The following RHEX variants were observed in gnomAD, a reference collection of about 807,000 sequenced individuals.
RHEX encodes the protein regulator of hemoglobinization and erythroid cell expansion protein.
A neutral mutation model predicts 20.1 loss-of-function variants in RHEX; 18 were observed. The observed-to-expected ratio is 0.90, with a 90% CI of 0.62 to 1.33. RHEX has a LOEUF of 1.33. RHEX is among the 40% of genes most tolerant of loss of function. The pLI is 0.00. For missense variants in RHEX, 192 were observed against 214.3 expected (o/e 0.90, Z 0.65); for synonymous variants, 87 against 77.1 (o/e 1.13, Z -0.67).
chr1:206,083,755 C>A, intron 1 of RHEX: 3 of 538,076 alleles, frequency 5.6e-6, no homozygotes, highest in Non-Finnish European at 7.1e-6. Context: ...TGTTTATGTG[C>A]TGAGATTCCA....
intron 1 of RHEX, among the ~76,000 whole-genome samples, chr1:206,082,891 C>T (rs1662766552): frequency 6.6e-6 from 1 of 152,178 alleles, no homozygotes; most frequent in African/African-American, 2.4e-5. Context: ...ATCCTCCTCC[C>T]ATTCTTCTTT....
chr1:206,101,055 A>G, intron 4 of RHEX, 81 bp from the exon 5 acceptor site: 1 of 1,137,000 alleles, frequency 8.8e-7, no homozygotes, highest in Non-Finnish European at 1.3e-6. Context: ...TAATAAGACA[A>G]TTCTCCCTTC....
At chr1:206,089,547 T>C (rs1553286758) in intron 1 of RHEX, among the ~76,000 whole-genome samples, 1 of 152,212 alleles carries the variant, frequency 6.6e-6, no homozygotes. Flanking sequence ...CATTTTTCAC[T>C]TTTATAATGA....
At chr1:206,078,573 A>G (rs1226882403) in intron 1 of RHEX, among the ~76,000 whole-genome samples, 1 of 152,142 alleles carries the variant, frequency 6.6e-6, no homozygotes, top group African/African-American at 2.4e-5. Flanking sequence ...AAAAAATAAA[A>G]AATAAAATAA....
rs782130510 is a variant in RHEX, at chr1:206,098,148, ACCG to A, written c.82_84del (p.Ala28del). On this transcript the variant is annotated inframe_deletion, in exon 3 of 6. Transcript: ENST00000331555. ...CCTCTTCCTGCAGGCCTGCTTCCTC[ACCG>A]CCATCAACTACCTGCTCAGCAGGCA... The A allele has an allele frequency of 6.2e-7, 1 of 1,613,554 alleles. No individual in the cohort carries two copies. The highest frequency in any genetic ancestry group is 1.7e-5 in the Admixed American group (1 of 59,976).
chr1:206,102,323 G>A lies in RHEX; in HGVS notation c.*371G>A. The A allele has an allele frequency of 4.6e-6, 1 of 216,318 alleles. No individual in the cohort carries two copies. Among genetic ancestry groups the A allele is most frequent in the Non-Finnish European group, 9.3e-6 (1 of 107,210 alleles). The allele number at this position is 216,318 out of a possible 1,614,324, so 13.4% of individuals were successfully genotyped here. On this transcript the variant is annotated 3_prime_UTR_variant, in exon 6 of 6. Coordinates refer to ENST00000331555, the MANE Select transcript of RHEX (RefSeq NM_001007544.4). ...CTCTCCCCAGGGAAAATTTTAAAAA[G>A]GTTGAATCAGCTGTTGTAGAGTTCT...
chr1:206,056,747 A>G (rs1662201772), intron 1 of RHEX, among the ~76,000 whole-genome samples: 2 of 152,274 alleles, frequency 1.3e-5, no homozygotes, highest in Non-Finnish European at 2.9e-5. Flanking sequence ...CACTTGTGCC[A>G]CTATTGATAG....
At chr1:206,101,678 G>C in intron 5 of RHEX, 74 bp from the exon 6 acceptor site, 7 of 1,166,978 alleles carry the variant, frequency 6.0e-6, no homozygotes, top group Non-Finnish European at 8.7e-6. Context: ...TTGAGTAAGA[G>C]TTCAGTCCTG....
At chr1:206,101,347 G>T (rs1663183082) in intron 5 of RHEX, 150 bp downstream of exon 5, 2 of 655,744 alleles carry the variant, frequency 3.0e-6, no homozygotes, top group South Asian at 3.8e-5. Flanking sequence ...GGTGAGGGGG[G>T]GTCAGGCTTC....
rs71152466 is a variant in RHEX at position 206,072,829 on chromosome 1, C to CTTT, written c.-97+19582_-97+19584dup. ...TACACCCACCACATTCCTCCTGTGT[C>CTTT]TTTTTTTTTTTTTTTTTTTTGAGAC... On this transcript the variant is annotated intron_variant, in intron 1 of 5. Transcript: ENST00000331555. 5.0e-3 allele frequency among the ~76,000 whole-genome samples: 612 copies of CTTT among 121,618 alleles called. 20 individuals carry two copies. Among genetic ancestry groups the CTTT allele is most frequent in the African/African-American group, 0.017 (523 of 31,034 alleles). 79.8% of individuals were successfully genotyped at this position (121,618 alleles called of 152,430 possible). A position where few individuals can be genotyped will look rare whatever the true frequency, so the allele number is the denominator to read the frequency against.
chr1:206,078,864 G>C (rs1430388425), intron 1 of RHEX, among the ~76,000 whole-genome samples: 1 of 152,172 alleles, frequency 6.6e-6, no homozygotes. Flanking sequence ...GTCTAGACCC[G>C]CTGGACTGCA....
intron 1 of RHEX, among the ~76,000 whole-genome samples, chr1:206,076,024 G>A: frequency 6.6e-6 from 1 of 152,312 alleles, no homozygotes; most frequent in Middle Eastern, 3.4e-3. Context: ...GGATAACTAT[G>A]CTTAGATGTG....
At chr1:206,063,906 G>A (rs1320710047) in intron 1 of RHEX, among the ~76,000 whole-genome samples, 7 of 150,936 alleles carry the variant, frequency 4.6e-5, no homozygotes, top group African/African-American at 1.7e-4. Context: ...TGGAAAGTGA[G>A]GAGCGTCTCT....
intron 1 of RHEX, among the ~76,000 whole-genome samples, chr1:206,055,484 A>G (rs1396199198): frequency 6.6e-6 from 1 of 152,254 alleles, no homozygotes; most frequent in Non-Finnish European, 1.5e-5. Context: ...AAGGAAAAAA[A>G]AAATAATAAG....
chr1:206,096,136 G>A (rs1380119469), intron 1 of RHEX, among the ~76,000 whole-genome samples: 1 of 152,126 alleles, frequency 6.6e-6, no homozygotes, highest in Admixed American at 6.5e-5. Flanking sequence ...GGCTCAATTT[G>A]GGGCGATTTT....
rs551141935 is a variant in RHEX at position 206,093,453 on chromosome 1, T to C, written c.-96-4280T>C. Among the ~76,000 whole-genome samples, 3 of 152,192 alleles carry C rather than the reference T, an allele frequency of 2.0e-5. No individual in the cohort carries two copies. The South Asian group carries it at 6.2e-4, about 32-fold the overall frequency. ...GCCCGGCTAATTTTTGTATTTTTAG[T>C]AGAGACGGGGTTTCACCATCTTGGC... On this transcript the variant is annotated intron_variant, in intron 1 of 5. Coordinates refer to ENST00000331555, the MANE Select transcript of RHEX (RefSeq NM_001007544.4).
intron 3 of RHEX, among the ~76,000 whole-genome samples, chr1:206,099,353 C>G (rs1553288105): frequency 6.6e-6 from 1 of 151,708 alleles, no homozygotes; most frequent in Admixed American, 6.6e-5. Flanking sequence ...GAGTCTCACT[C>G]TGTCCCCCAG....
intron 1 of RHEX, among the ~76,000 whole-genome samples, chr1:206,091,315 A>G (rs1305468568): frequency 2.0e-5 from 3 of 152,164 alleles, no homozygotes; most frequent in Admixed American, 6.5e-5. Context: ...CAGAAATTAT[A>G]ACTTCTAGTA....
intron 4 of RHEX, 102 bp downstream of exon 4, chr1:206,099,900 C>A: frequency 2.9e-6 from 3 of 1,047,828 alleles, no homozygotes; most frequent in Admixed American, 2.1e-5. Context: ...AAACCTCTAG[C>A]CTGAGGATTC....
Sources: allele counts gnomAD v4.1 joint callset (sites outside exome capture counted in the v4.1 genomes callset), GRCh38; gene constraint gnomAD v4.1.1; transcripts MANE v1.5; gene names NCBI Gene and HGNC (gene_info 2026-07-23, HGNC 2026-07-21).